Variants in MTUS2 observed in about 807,000 individuals in gnomAD.
MTUS2 encodes microtubule-associated tumor suppressor candidate 2.
MTUS2 carries 40 observed loss-of-function variants against 114.1 expected under a neutral mutation model. The observed-to-expected ratio is 0.35, with a 90% CI of 0.27 to 0.46. The LOEUF (loss-of-function observed/expected upper bound fraction) is 0.46. MTUS2 is among the 20% of genes least tolerant of loss of function. The pLI is 1.00. For missense variants in MTUS2, 1,679 were observed against 1,705.4 expected (o/e 0.98, Z 0.27); for synonymous variants, 688 against 672.0 (o/e 1.02, Z -0.37).
intron 5 of MTUS2, among the ~76,000 whole-genome samples, chr13:29,276,199 C>T (rs1051667011): frequency 6.6e-6 from 1 of 152,162 alleles, no homozygotes; most frequent in Non-Finnish European, 1.5e-5. Context: ...AGATTGCATT[C>T]CCCGAGGATT....
intron 2 of MTUS2, among the ~76,000 whole-genome samples, chr13:28,985,358 G>C (rs1359828194): frequency 6.6e-6 from 1 of 152,140 alleles, no homozygotes; most frequent in Non-Finnish European, 1.5e-5. Context: ...TCATTGTGAT[G>C]ACTAAATGGG....
intron 5 of MTUS2, among the ~76,000 whole-genome samples, chr13:29,270,068 G>C (rs1897822734): frequency 6.6e-6 from 1 of 152,126 alleles, no homozygotes; most frequent in East Asian, 1.9e-4. Context: ...GGAGGTGGGG[G>C]TGCTGCCGTT....
intron 8 of MTUS2, among the ~76,000 whole-genome samples, chr13:29,361,004 C>T (rs1334505437): frequency 1.3e-5 from 2 of 152,058 alleles, no homozygotes. Flanking sequence ...ATAATATGTT[C>T]CGTGTTTTAG....
chr13:28,863,664 T>A (rs756614991), intron 2 of MTUS2, among the ~76,000 whole-genome samples: 17 of 152,242 alleles, frequency 1.1e-4, no homozygotes, highest in African/African-American at 9.6e-5. Flanking sequence ...TAGATGTTTT[T>A]AAAATTTATT....
rs574652388 is a variant in MTUS2, at chr13:29,048,235, C to T, written c.2446+14110C>T. On this transcript the variant is annotated intron_variant, in intron 4 of 15. Coordinates refer to ENST00000612955, the MANE Select transcript of MTUS2 (RefSeq NM_001033602.4). ...TTCTTATTTAGGTCCTTTTTATGTTCCTTGTCTTACTTGACATGTTAAGTT... is the reference window on the plus strand; with the variant it reads ...TTCTTATTTAGGTCCTTTTTATGTTTCTTGTCTTACTTGACATGTTAAGTT... 2.0e-5 allele frequency among the ~76,000 whole-genome samples: 3 copies of T among 152,186 alleles called. No homozygotes were observed. In the East Asian group the frequency reaches 5.8e-4, roughly 29 times the overall value.
chr13:29,452,132 G>T (rs1878726968), intron 9 of MTUS2, among the ~76,000 whole-genome samples: 1 of 152,154 alleles, frequency 6.6e-6, no homozygotes, highest in African/African-American at 2.4e-5. Flanking sequence ...GCTTACCCAT[G>T]CATAGTAATA....
intron 2 of MTUS2, among the ~76,000 whole-genome samples, chr13:29,021,993 A>G (rs1886311909): frequency 1.3e-5 from 2 of 152,138 alleles, no homozygotes; most frequent in Admixed American, 1.3e-4. Flanking sequence ...GGGGAGGATG[A>G]GGACAGTGAG....
At chr13:29,382,516 G>A (rs921679726) in intron 8 of MTUS2, among the ~76,000 whole-genome samples, 6 of 152,178 alleles carry the variant, frequency 3.9e-5, no homozygotes, top group African/African-American at 1.2e-4. Context: ...TGAGGTCTAG[G>A]TCTTTGGCCC....
chr13:29,006,588 T>C (rs1224544235), intron 2 of MTUS2, among the ~76,000 whole-genome samples: 2 of 152,166 alleles, frequency 1.3e-5, no homozygotes, highest in Non-Finnish European at 2.9e-5. Context: ...GGTGCCACAT[T>C]CCAGCACCTC....
chr13:28,868,054 C>T (rs1209324825), intron 2 of MTUS2, among the ~76,000 whole-genome samples: 1 of 152,172 alleles, frequency 6.6e-6, no homozygotes, highest in African/African-American at 2.4e-5. Flanking sequence ...CTGGTCAAAT[C>T]ATTCATCTTT....
Position 29,026,839 on chromosome 13 carries a change from T to C in MTUS2, c.2141T>C (p.Met714Thr). 2 of 1,608,906 alleles carry C rather than the reference T, an allele frequency of 1.2e-6. No homozygotes were observed. Among genetic ancestry groups the C allele is most frequent in the Non-Finnish European group, 8.5e-7 (1 of 1,179,810 alleles). The change falls in exon 3 of 16, where the codon ATG (methionine) becomes ACG (threonine). Residue 714 changes from methionine (M) to threonine (T), a missense_variant. Physicochemically the swap from Met to Thr is moderately conservative, Grantham distance 81. Around this residue, in one of 3 missense-constraint regions of MTUS2, gnomAD observed 822 missense variants for 899.7 expected, o/e 0.91. Transcript: ENST00000612955. ...QKPRVFSSGL[M>T]VSGIKPPGHP... ...CCAAGGGTCTTCAGTTCCGGATTGA[T>C]GGTGTCTGGAATCAAGCCCCCGGGA...
chr13:29,258,476 C>T (rs4129969), intron 5 of MTUS2, among the ~76,000 whole-genome samples: 66,292 of 152,086 alleles, frequency 0.44, 15,166 homozygotes, highest in Admixed American at 0.54. Context: ...CCTAATCCCA[C>T]GAGTCAAATT....
chr13:29,295,424 A>AC (rs764605209), intron 6 of MTUS2, among the ~76,000 whole-genome samples: 13 of 151,636 alleles, frequency 8.6e-5, no homozygotes, highest in Non-Finnish European at 1.5e-4. Flanking sequence ...ATACTCCCCT[A>AC]CCCCCTACCT....
chr13:29,268,651 C>T (rs1258855805), intron 5 of MTUS2, among the ~76,000 whole-genome samples: 6 of 152,166 alleles, frequency 3.9e-5, no homozygotes, highest in Non-Finnish European at 7.3e-5. Context: ...AACATCTACC[C>T]CACACTCTGC....
intron 2 of MTUS2, among the ~76,000 whole-genome samples, chr13:28,847,431 C>G (rs773762147): frequency 1.3e-5 from 2 of 151,910 alleles, no homozygotes; most frequent in Non-Finnish European, 2.9e-5. Context: ...AAGGCAAAGG[C>G]AAGAGGATCT....
intron 4 of MTUS2, among the ~76,000 whole-genome samples, chr13:29,078,879 A>T (rs1889314224): frequency 6.6e-6 from 1 of 152,234 alleles, no homozygotes. Context: ...TCTTATGAAT[A>T]ATGTCAAATT....
chr13:29,374,315 G>A (rs937206743), intron 8 of MTUS2, among the ~76,000 whole-genome samples: 3 of 151,432 alleles, frequency 2.0e-5, no homozygotes, highest in Admixed American at 2.0e-4. Context: ...CAAATTTGTT[G>A]AAAGAAATAA....
chr13:29,382,477 G>A (rs777836291), intron 8 of MTUS2, among the ~76,000 whole-genome samples: 11 of 152,170 alleles, frequency 7.2e-5, no homozygotes, highest in Non-Finnish European at 1.5e-4. Flanking sequence ...GGAGTAAGTA[G>A]GGAGTAGAGA....
intron 5 of MTUS2, among the ~76,000 whole-genome samples, chr13:29,102,394 A>C (rs1187714225): frequency 6.6e-6 from 1 of 152,234 alleles, no homozygotes; most frequent in Non-Finnish European, 1.5e-5. Flanking sequence ...AGGCAAGATG[A>C]GCCATGTCCA....
Sources: allele counts gnomAD v4.1 joint callset (sites outside exome capture counted in the v4.1 genomes callset), GRCh38; gene constraint gnomAD v4.1.1; regional missense constraint gnomAD v4.1.1; transcripts MANE v1.5; gene names NCBI Gene and HGNC (gene_info 2026-07-23, HGNC 2026-07-21).